The following CDKL3 variants were observed in gnomAD, a reference collection of about 807,000 sequenced individuals.
CDKL3 encodes cyclin-dependent kinase-like 3.
A neutral mutation model predicts 69.3 loss-of-function variants in CDKL3; 65 were observed. The ratio of observed to expected loss-of-function variants is 0.94; its 90% CI spans 0.77 to 1.15. The LOEUF (loss-of-function observed/expected upper bound fraction) is 1.15. Among genes scored for constraint, CDKL3 ranks in the 50% most tolerant of loss-of-function variants. The pLI is 0.00. For synonymous variants in CDKL3, 202 were observed against 221.6 expected, an observed-to-expected ratio of 0.91 and a Z score of 0.79; for missense variants, 652 against 689.2, an observed-to-expected ratio of 0.95 and a Z score of 0.61.
At chr5:134,293,632 C>CA (rs1192163827), downstream of CDKL3, among the ~76,000 whole-genome samples, 1 of 151,702 alleles carries the variant, frequency 6.6e-6, no homozygotes, top group Non-Finnish European at 1.5e-5. Context: ...CCTGACTCTA[C>CA]AAAAATAAAA....
chr5:134,366,342 A>C lies in CDKL3; in HGVS notation c.165+17T>G, dbSNP rs1282998058. The C allele has an allele frequency of 1.7e-5, 26 of 1,529,412 alleles. No individual in the cohort carries two copies. Among genetic ancestry groups the C allele is most frequent in the Non-Finnish European group, 2.6e-6 (3 of 1,142,012 alleles). 94.7% of individuals were successfully genotyped at this position (1,529,412 alleles called of 1,614,324 possible). A position where few individuals can be genotyped will look rare whatever the true frequency, so the allele number is the denominator to read the frequency against. On this transcript the variant is annotated intron_variant, in intron 2 of 12. Transcript: ENST00000265334. ...TTTTTTCTTTTGACTTAGATGATTA[A>C]GGCAAAAGAAGCAAACCTTTAGAAA...
At chr5:134,336,155 T>G (rs1219776809) in intron 4 of CDKL3, among the ~76,000 whole-genome samples, 1 of 152,204 alleles carries the variant, frequency 6.6e-6, no homozygotes, top group Non-Finnish European at 1.5e-5. Flanking sequence ...TTTTTCGTAC[T>G]GTGGTTTTCA....
At chr5:134,304,371 A>G (rs754103277) in intron 11 of CDKL3, 34 bp downstream of exon 11, 1 of 1,499,418 alleles carries the variant, frequency 6.7e-7, no homozygotes, top group Non-Finnish European at 9.0e-7. Flanking sequence ...AAATGATATC[A>G]TCATAATTGT....
intron 7 of CDKL3, among the ~76,000 whole-genome samples, chr5:134,308,935 G>A (rs1768636288): frequency 6.6e-6 from 1 of 152,098 alleles, no homozygotes; most frequent in South Asian, 2.1e-4. Flanking sequence ...TATGCTATGG[G>A]AACCTACTAT....
intron 4 of CDKL3, among the ~76,000 whole-genome samples, chr5:134,337,640 G>A (rs1463129363): frequency 1.3e-5 from 2 of 152,100 alleles, no homozygotes; most frequent in Non-Finnish European, 2.9e-5. Context: ...TTGAGCCCAG[G>A]AATTTGAGGC....
At chr5:134,303,164 T>A (rs781103230) in intron 11 of CDKL3, among the ~76,000 whole-genome samples, 1 of 151,948 alleles carries the variant, frequency 6.6e-6, no homozygotes, top group Non-Finnish European at 1.5e-5. Context: ...CGATCTCGGC[T>A]CACTGCAACC....
chr5:134,320,153 T>C (rs1054165270), intron 5 of CDKL3, among the ~76,000 whole-genome samples: 4 of 152,206 alleles, frequency 2.6e-5, no homozygotes, highest in African/African-American at 9.6e-5. Context: ...GACACAAAAA[T>C]GTGAGGTGTC....
chr5:134,347,391 T>C (rs1024148009), intron 4 of CDKL3, among the ~76,000 whole-genome samples: 2 of 151,916 alleles, frequency 1.3e-5, no homozygotes, highest in African/African-American at 4.8e-5. Context: ...CAATTCTAAC[T>C]CCTAAGTATA....
At chr5:134,357,572 C>A (rs1203863958) in intron 3 of CDKL3, among the ~76,000 whole-genome samples, 5 of 152,046 alleles carry the variant, frequency 3.3e-5, no homozygotes, top group Non-Finnish European at 4.4e-5. Context: ...GCGGAAGTTG[C>A]AGTGAGCCGA....
intron 12 of CDKL3, chr5:134,299,793 G>A: frequency 7.7e-7 from 1 of 1,297,466 alleles, no homozygotes; most frequent in Non-Finnish European, 1.1e-6. Context: ...AGGACATGGT[G>A]AGTCTTTGGC....
chr5:134,291,877 T>C (rs1417620882), intron 8 of CDKL3, among the ~76,000 whole-genome samples: 5 of 152,068 alleles, frequency 3.3e-5, no homozygotes, highest in East Asian at 1.9e-4. Context: ...GTATAAAATA[T>C]ATAAAACAAC....
At chr5:134,307,401 TG>T (rs756987014) in intron 9 of CDKL3, among the ~76,000 whole-genome samples, 3 of 152,220 alleles carry the variant, frequency 2.0e-5, no homozygotes, top group Non-Finnish European at 4.4e-5. Context: ...ACTAGGCTCT[TG>T]CAGTCTGTAA....
At chr5:134,307,851 A>AT (rs1768295327) in intron 9 of CDKL3, 2 of 308,008 alleles carry the variant, frequency 6.5e-6, no homozygotes, top group South Asian at 1.7e-4. Flanking sequence ...GGACATACCA[A>AT]CTTTTTTTCT....
downstream of CDKL3, chr5:134,298,194 A>G (rs1580766307): frequency 1.1e-6 from 1 of 936,258 alleles, no homozygotes; most frequent in African/African-American, 1.8e-5. Context: ...TCAGCCTCCC[A>G]AAGTGTTGGG....
intron 4 of CDKL3, among the ~76,000 whole-genome samples, chr5:134,344,523 A>G (rs1751327217): frequency 6.6e-6 from 1 of 152,226 alleles, no homozygotes; most frequent in African/African-American, 2.4e-5. Context: ...CAAATGGCCA[A>G]TAAGCACACG....
intron 4 of CDKL3, among the ~76,000 whole-genome samples, chr5:134,327,963 G>C (rs1420926797): frequency 1.3e-5 from 2 of 152,108 alleles, no homozygotes; most frequent in Non-Finnish European, 2.9e-5. Flanking sequence ...GGGGCTGGGG[G>C]TATTGGCTCC....
downstream of CDKL3, among the ~76,000 whole-genome samples, chr5:134,284,442 G>A (rs1764765515): frequency 6.6e-6 from 1 of 152,180 alleles, no homozygotes; most frequent in Non-Finnish European, 1.5e-5. Flanking sequence ...GAGAGGCAGA[G>A]CAAGATTACA....
At chr5:134,306,550 AG>A (rs1767882935) in intron 10 of CDKL3, 58 bp downstream of exon 10, 1 of 998,612 alleles carries the variant, frequency 1.0e-6, no homozygotes, top group African/African-American at 1.6e-5. Context: ...GATAGAGAAA[AG>A]GAAAAAAGAA....
rs931872042 is a variant in CDKL3 at position 134,367,115 on chromosome 5, C to T, written c.-160G>A. 11 of 985,844 alleles carry T rather than the reference C, an allele frequency of 1.1e-5. No individual in the cohort carries two copies. The highest frequency in any genetic ancestry group is 1.3e-5 in the Non-Finnish European group (11 of 830,354). 61.1% of individuals were successfully genotyped at this position (985,844 alleles called of 1,614,324 possible). On this transcript the variant is annotated 5_prime_UTR_variant, in exon 1 of 13. Coordinates refer to ENST00000265334, the MANE Select transcript of CDKL3 (RefSeq NM_001113575.2). ...CACTGATACTACTTTGTTGCTCAGC[C>T]CCGCAAGGAACCGGCCACTTGCCAC...
Sources: gnomAD v4.1 joint callset for allele counts (sites outside exome capture counted in the v4.1 genomes callset) on GRCh38, gnomAD v4.1.1 for gene constraint, MANE v1.5 for transcripts, NCBI Gene and HGNC (gene_info 2026-07-23, HGNC 2026-07-21) for gene names.